Variants in CARMIL1 observed in about 807,000 individuals in gnomAD.
CARMIL1 encodes the protein capping protein regulator and myosin 1 linker 1, also known as F-actin-uncapping protein LRRC16A.
CARMIL1 carries 90 observed loss-of-function variants against 177.1 expected under a neutral mutation model. The ratio of observed to expected loss-of-function variants is 0.51; its 90% CI spans 0.43 to 0.61. The LOEUF (loss-of-function observed/expected upper bound fraction) is 0.61, where lower values mean the gene tolerates loss of function less well. CARMIL1 is among the 20% of genes least tolerant of loss of function. CARMIL1 has a pLI of 0.00. For missense variants in CARMIL1, 1,380 were observed against 1,667.0 expected, an observed-to-expected ratio of 0.83 and a Z score of 3.00; for synonymous variants, 577 against 606.2, an observed-to-expected ratio of 0.95 and a Z score of 0.71.
At chr6:25,413,610 GA>G in intron 2 of CARMIL1, among the ~76,000 whole-genome samples, 1 of 152,202 alleles carries the variant, frequency 6.6e-6, no homozygotes, top group Middle Eastern at 3.2e-3. Context: ...GTTGAACCAA[GA>G]AGCCTCAGAG....
rs577468479 is a variant in CARMIL1, at chr6:25,352,475, A to T, written c.138+67566A>T. ...ACTACTAGAGAAACCTTGACAGGAAAAATATGAAGATAGTTTTGAGTGGAC... is the reference window on the plus strand; with the variant it reads ...ACTACTAGAGAAACCTTGACAGGAATAATATGAAGATAGTTTTGAGTGGAC... On this transcript the variant is annotated intron_variant, in intron 2 of 36. Coordinates refer to ENST00000329474, the MANE Select transcript of CARMIL1 (RefSeq NM_017640.6). 4.3e-4 allele frequency among the ~76,000 whole-genome samples: 66 copies of T among 152,198 alleles called. 1 individual carries two copies. The highest frequency in any genetic ancestry group is 2.0e-3 in the Admixed American group (30 of 15,270).
intron 2 of CARMIL1, among the ~76,000 whole-genome samples, chr6:25,307,170 C>T (rs975774219): frequency 5.3e-5 from 8 of 152,202 alleles, no homozygotes; most frequent in East Asian, 1.9e-4. Flanking sequence ...TGTGAGCCAC[C>T]GCGCCCGGTC....
At position 25,505,529 on chromosome 6, in the gene CARMIL1, T is replaced by C. The variant is rs532268732; in HGVS notation, c.1396-4127T>C. On this transcript the variant is annotated intron_variant, in intron 17 of 36. Coordinates refer to ENST00000329474, the MANE Select transcript of CARMIL1 (RefSeq NM_017640.6). ...GTGCAGTTGTGCAATCTTGGCTCAC[T>C]GCAACCTGCACCTCCGGGATTCAAG... Among the ~76,000 whole-genome samples, 7 of 152,272 alleles carry C rather than the reference T, an allele frequency of 4.6e-5. No homozygotes were observed. The South Asian group carries it at 1.5e-3, about 32-fold the overall frequency.
At chr6:25,369,374 ATTTTGTTTTTT>A (rs1790171103) in intron 2 of CARMIL1, among the ~76,000 whole-genome samples, 1 of 96,008 alleles carries the variant, frequency 1.0e-5, no homozygotes. Flanking sequence ...GCAATGCTGT[ATTTTGTTTTTT>A]TTTTTTTTTT....
chr6:25,323,075 A>G (rs932489340), intron 2 of CARMIL1, among the ~76,000 whole-genome samples: 10 of 152,130 alleles, frequency 6.6e-5, no homozygotes, highest in African/African-American at 2.4e-4. Flanking sequence ...ATCCCAAGTA[A>G]TTCCAGATTC....
intron 12 of CARMIL1, among the ~76,000 whole-genome samples, chr6:25,488,098 C>CATCAAA (rs1343348092): frequency 6.6e-6 from 1 of 152,192 alleles, no homozygotes; most frequent in Non-Finnish European, 1.5e-5. Context: ...CTTGGACATG[C>CATCAAA]ATCATTTAAA....
intron 2 of CARMIL1, among the ~76,000 whole-genome samples, chr6:25,327,712 C>A (rs59648253): frequency 5.7e-4 from 87 of 152,276 alleles, no homozygotes; most frequent in African/African-American, 2.1e-3. Flanking sequence ...TGGCAACTAG[C>A]ATAACAAGCT....
chr6:25,379,968 T>C lies in CARMIL1; in HGVS notation c.139-40146T>C, dbSNP rs562492100. Among the ~76,000 whole-genome samples the C allele has an allele frequency of 2.0e-5, 3 of 152,288 alleles. No homozygotes were observed. In the South Asian group the frequency reaches 6.2e-4, roughly 32 times the overall value. On this transcript the variant is annotated intron_variant, in intron 2 of 36. Transcript: ENST00000329474. ...TTTGAACTTCTTTATGCACTTTTTT[T>C]CTTTCCTTTTCTTACCTCCATGGAA...
chr6:25,459,848 T>C (rs767368638), intron 8 of CARMIL1, among the ~76,000 whole-genome samples: 1 of 152,222 alleles, frequency 6.6e-6, no homozygotes, highest in East Asian at 1.9e-4. Context: ...TTGCCAGGAC[T>C]CATGAGAGGG....
At chr6:25,340,777 GTT>G (rs34928775) in intron 2 of CARMIL1, among the ~76,000 whole-genome samples, 3,398 of 85,932 alleles carry the variant, frequency 0.04, 149 homozygotes, top group African/African-American at 0.11. Flanking sequence ...GTCAATGAAG[GTT>G]TTTTTTTTTT....
At chr6:25,382,440 A>G (rs1320523186) in intron 2 of CARMIL1, among the ~76,000 whole-genome samples, 4 of 152,282 alleles carry the variant, frequency 2.6e-5, no homozygotes, top group Middle Eastern at 6.8e-3. Context: ...GGTGGCACGG[A>G]GCCAAAGAGT....
intron 16 of CARMIL1, 123 bp downstream of exon 16, chr6:25,495,338 T>C (rs530765219): frequency 4.2e-5 from 24 of 578,310 alleles, no homozygotes; most frequent in African/African-American, 3.7e-4. Context: ...AATGCCTTTT[T>C]ACTCTGGGGC....
rs530218810 is a variant in CARMIL1, at chr6:25,604,829, C to T, written c.3570C>T (p.Ala1190=). The T allele has an allele frequency of 1.2e-4, 199 of 1,592,774 alleles. No homozygotes were observed. In the Middle Eastern group the frequency reaches 1.8e-3, roughly 15 times the overall value. The change falls in exon 34 of 37, where the codon GCC becomes GCT. Residue 1190 remains alanine (A), a synonymous_variant. Transcript: ENST00000329474. Reference sequence around the variant, plus strand: ...TTTTTTAGAAGCTTGGGAATGATGCCGTATCCCAGGATTCTTCCAGCCCAG... The same window carrying T: ...TTTTTTAGAAGCTTGGGAATGATGCTGTATCCCAGGATTCTTCCAGCCCAG... The part of the protein sequence containing the change: ...ACAQKKLGND[A]VSQDSSSPAL...
chr6:25,391,093 G>A (rs977739377), intron 2 of CARMIL1, among the ~76,000 whole-genome samples: 4 of 152,154 alleles, frequency 2.6e-5, no homozygotes, highest in Non-Finnish European at 5.9e-5. Context: ...AAAATAAACC[G>A]AATGGTTTCC....
chr6:25,537,777 T>A, intron 24 of CARMIL1, 78 bp from the exon 25 acceptor site: 1 of 1,540,158 alleles, frequency 6.5e-7, no homozygotes. Flanking sequence ...TTTTTCATAC[T>A]CCTTCGTTCT....
intron 27 of CARMIL1, among the ~76,000 whole-genome samples, chr6:25,551,927 G>A (rs1371497076): frequency 6.6e-6 from 1 of 152,094 alleles, no homozygotes; most frequent in Non-Finnish European, 1.5e-5. Context: ...AAAACAAAAT[G>A]AGCCCCAAAT....
At chr6:25,375,960 C>T (rs1342015216) in intron 2 of CARMIL1, among the ~76,000 whole-genome samples, 1 of 152,030 alleles carries the variant, frequency 6.6e-6, no homozygotes, top group African/African-American at 2.4e-5. Flanking sequence ...TTTAATAGTC[C>T]ACCTTTTGAA....
rs908426112 is a variant in CARMIL1, at chr6:25,481,970, TAGAACTGTG to T, written c.875-282_875-274del. ...TTTCCAAGAGGATTTGCATTTTAAATAGAACTGTGAGAAAAAGAGTGACACGTGGCCCCA... is the reference window on the plus strand; with the variant it reads ...TTTCCAAGAGGATTTGCATTTTAAATAGAAAAAGAGTGACACGTGGCCCCA... On this transcript the variant is annotated intron_variant, in intron 11 of 36. Transcript: ENST00000329474. 2.0e-5 allele frequency among the ~76,000 whole-genome samples: 3 copies of T among 152,318 alleles called. 1 individual carries two copies. The highest frequency in any genetic ancestry group is 6.5e-5 in the Admixed American group (1 of 15,304).
intron 2 of CARMIL1, among the ~76,000 whole-genome samples, chr6:25,396,673 A>G (rs556757026): frequency 6.6e-6 from 1 of 152,224 alleles, no homozygotes; most frequent in African/African-American, 2.4e-5. Flanking sequence ...TTTTAATCTT[A>G]AGGTAGTTTC....
Sources: allele counts gnomAD v4.1 joint callset (sites outside exome capture counted in the v4.1 genomes callset), GRCh38; gene constraint gnomAD v4.1.1; transcripts MANE v1.5; gene names NCBI Gene and HGNC (gene_info 2026-07-23, HGNC 2026-07-21).